The following NUP155 variants were observed in gnomAD, a reference collection of about 807,000 sequenced individuals.
NUP155 encodes the protein nuclear pore complex protein Nup155.
A neutral mutation model predicts 180.4 loss-of-function variants in NUP155; 71 were observed. The ratio of observed to expected loss-of-function variants is 0.39; its 90% CI spans 0.33 to 0.48. The LOEUF (loss-of-function observed/expected upper bound fraction) is 0.48, where lower values mean the gene tolerates loss of function less well. NUP155 is among the 20% of genes least tolerant of loss of function. The probability of loss-of-function intolerance (pLI) is 0.91; values close to 1 mark genes in which losing one functional copy is unlikely to be tolerated. For synonymous variants in NUP155, 582 were observed against 559.5 expected, an observed-to-expected ratio of 1.04 and a Z score of -0.57; for missense variants, 1,553 against 1,648.9, an observed-to-expected ratio of 0.94 and a Z score of 1.01.
chr5:37,292,404 G>C (rs1467976198), intron 34 of NUP155, among the ~76,000 whole-genome samples: 1 of 151,906 alleles, frequency 6.6e-6, no homozygotes, highest in Non-Finnish European at 1.5e-5. Context: ...TTTTAGTAGA[G>C]ATGGGGTTTC....
At chr5:37,303,463 A>G in intron 27 of NUP155, 49 bp from the exon 28 acceptor site, 1 of 1,467,528 alleles carries the variant, frequency 6.8e-7, no homozygotes, top group Non-Finnish European at 9.5e-7. Context: ...ACCTACAGAT[A>G]ATGTTCCTGA....
chr5:37,335,264 C>G (rs999919296), intron 12 of NUP155, among the ~76,000 whole-genome samples: 2 of 151,362 alleles, frequency 1.3e-5, no homozygotes, highest in Non-Finnish European at 2.9e-5. Flanking sequence ...GCCTGTATTC[C>G]CAGCAACTCA....
intron 3 of NUP155, among the ~76,000 whole-genome samples, chr5:37,362,944 GCT>G (rs1290848738): frequency 6.6e-6 from 1 of 151,972 alleles, no homozygotes; most frequent in Non-Finnish European, 1.5e-5. Context: ...ATGGAGTCTC[GCT>G]CTGTCACTCA....
At chr5:37,369,802 TTTTC>T (rs1248546239) in intron 1 of NUP155, among the ~76,000 whole-genome samples, 3 of 152,232 alleles carry the variant, frequency 2.0e-5, no homozygotes, top group Non-Finnish European at 4.4e-5. Flanking sequence ...ACCAACAATC[TTTTC>T]TTTCTTACAC....
chr5:37,310,820 T>C (rs1743480698), intron 22 of NUP155, 77 bp from the exon 23 acceptor site: 1 of 1,151,534 alleles, frequency 8.7e-7, no homozygotes, highest in African/African-American at 1.6e-5. Flanking sequence ...TTTAATAAAT[T>C]AAAATAACCT....
At position 37,342,989 on chromosome 5, in the gene NUP155, C is replaced by T. The variant is rs146083430; in HGVS notation, c.996-343G>A. 1.0e-3 allele frequency among the ~76,000 whole-genome samples: 153 copies of T among 152,302 alleles called. 1 individual carries two copies. Among genetic ancestry groups the T allele is most frequent in the African/African-American group, 3.2e-3 (134 of 41,580 alleles). ...TGACCTCGCGTGAGCGTGATCCGCC[C>T]GCCTCGGCCTTCCAAAGTGCTGGGA... is the stretch of plus-strand genomic sequence containing the variant. On this transcript the variant is annotated intron_variant, in intron 9 of 34. Coordinates refer to ENST00000231498, the MANE Select transcript of NUP155 (RefSeq NM_153485.3).
At chr5:37,297,279 A>G (rs1166004780) in intron 32 of NUP155, among the ~76,000 whole-genome samples, 5 of 151,936 alleles carry the variant, frequency 3.3e-5, no homozygotes, top group East Asian at 1.9e-4. Flanking sequence ...TTGCCTCTCC[A>G]AAGTGTTGAG....
intron 1 of NUP155, among the ~76,000 whole-genome samples, chr5:37,370,269 G>A (rs550011158): frequency 2.0e-5 from 3 of 152,320 alleles, no homozygotes; most frequent in East Asian, 1.9e-4. Flanking sequence ...CTACTTGGGA[G>A]TCTGAGGCAG....
intron 4 of NUP155, among the ~76,000 whole-genome samples, chr5:37,357,138 T>C (rs1746879333): frequency 6.7e-6 from 1 of 149,408 alleles, no homozygotes; most frequent in Non-Finnish European, 1.5e-5. Context: ...AATGGCCAGG[T>C]GCAGTGGCTC....
intron 4 of NUP155, among the ~76,000 whole-genome samples, chr5:37,357,720 G>T (rs1207628657): frequency 6.6e-6 from 1 of 152,136 alleles, no homozygotes; most frequent in African/African-American, 2.4e-5. Context: ...TCAGCCAGGC[G>T]CGGTGGCTTA....
chr5:37,298,849 A>G lies in NUP155; in HGVS notation c.3793+19T>C. ...ATCAGAACAGAAAATACGTGACTGC[A>G]CCTAAGATCACAGCTTACCTAAAGG... On this transcript the variant is annotated intron_variant, in intron 32 of 34. Transcript: ENST00000231498. 7.8e-7 allele frequency: 1 copy of G among 1,283,098 alleles called. No individual in the cohort carries two copies. The highest frequency in any genetic ancestry group is 1.1e-6 in the Non-Finnish European group (1 of 878,126). The allele number at this position is 1,283,098 out of a possible 1,614,324, so 79.5% of individuals were successfully genotyped here. A position where few individuals can be genotyped will look rare whatever the true frequency, so the allele number is the denominator to read the frequency against.
chr5:37,293,961 T>C (rs1742368804), intron 33 of NUP155, among the ~76,000 whole-genome samples: 1 of 67,956 alleles, frequency 1.5e-5, no homozygotes, highest in Non-Finnish European at 2.2e-5. Context: ...ATTGCGCCAC[T>C]GCAGTCCGCA....
chr5:37,292,076 C>T (rs752529629), intron 34 of NUP155, 38 bp from the exon 35 acceptor site: 13 of 1,606,658 alleles, frequency 8.1e-6, no homozygotes, highest in South Asian at 5.5e-5. Context: ...TATACATTTA[C>T]AAACATTTCC....
At chr5:37,301,922 C>G (rs1742883164) in intron 29 of NUP155, among the ~76,000 whole-genome samples, 1 of 152,176 alleles carries the variant, frequency 6.6e-6, no homozygotes, top group African/African-American at 2.4e-5. Context: ...TGAATGTGTT[C>G]TTTCTTTTCC....
chr5:37,309,208 C>A lies in NUP155; in HGVS notation c.2688G>T (p.Met896Ile). The A allele has an allele frequency of 6.2e-7, 1 of 1,613,576 alleles. No individual in the cohort carries two copies. The highest frequency in any genetic ancestry group is 1.3e-5 in the African/African-American group (1 of 75,046). ...GATATTCCTTTAATGATTCCCTTAACATTCTTTCTTTTTCAGTCTTATTTT... is the reference window on the plus strand; with the variant it reads ...GATATTCCTTTAATGATTCCCTTAAAATTCTTTCTTTTTCAGTCTTATTTT... Reference protein sequence around the residue: ...QVQNKTEKERMLRESLKEYQK... With the variant: ...QVQNKTEKERILRESLKEYQK... The change falls in exon 24 of 35, where the codon ATG (methionine) becomes ATT (isoleucine). Residue 896 changes from methionine (M) to isoleucine (I), a missense_variant. By Grantham distance (10) the Met-to-Ile change is conservative. Coordinates refer to ENST00000231498, the MANE Select transcript of NUP155 (RefSeq NM_153485.3).
chr5:37,350,296 A>G, intron 6 of NUP155, 31 bp from the exon 7 acceptor site: 1 of 1,425,134 alleles, frequency 7.0e-7, no homozygotes. Context: ...GACGACTTAT[A>G]AAAGTATGTA....
intron 9 of NUP155, among the ~76,000 whole-genome samples, chr5:37,347,493 C>T (rs571891097): frequency 2.2e-4 from 32 of 146,950 alleles, no homozygotes; most frequent in Non-Finnish European, 4.0e-4. Flanking sequence ...GTCGGGAGTT[C>T]GAGACCAGCC....
intron 23 of NUP155, 84 bp downstream of exon 23, chr5:37,310,468 G>GAAACAAGATGGTTTCA: frequency 9.2e-7 from 1 of 1,086,590 alleles, no homozygotes; most frequent in South Asian, 1.4e-5. Flanking sequence ...ACTGACTGAG[G>GAAACAAGATGGTTTCA]TCCTATATTA....
At chr5:37,333,932 G>C (rs1483766642) in intron 12 of NUP155, among the ~76,000 whole-genome samples, 2 of 151,360 alleles carry the variant, frequency 1.3e-5, no homozygotes, top group African/African-American at 4.9e-5. Context: ...CTCCCTAGTA[G>C]CTGGGATTAC....
Sources: gnomAD v4.1 joint callset for allele counts (sites outside exome capture counted in the v4.1 genomes callset) on GRCh38, gnomAD v4.1.1 for gene constraint, MANE v1.5 for transcripts, NCBI Gene and HGNC (gene_info 2026-07-23, HGNC 2026-07-21) for gene names.